Variants in SV2C observed in about 807,000 individuals in gnomAD.
The protein encoded by SV2C is solute carrier family 22 member B3.
Under a neutral mutation model 79.7 loss-of-function variants are expected in SV2C, and 49 were observed. The observed-to-expected ratio is 0.61, with a 90% CI of 0.49 to 0.78. The LOEUF (loss-of-function observed/expected upper bound fraction) is 0.78, where lower values mean the gene tolerates loss of function less well. Ranked by LOEUF, SV2C falls within the 30% of genes least tolerant of loss-of-function variation. The pLI is 0.00. For synonymous variants in SV2C, 334 were observed against 333.2 expected (o/e 1.00, Z -0.03); for missense variants, 833 against 912.9 (o/e 0.91, Z 1.13).
chr5:76,086,890 A>C (rs576750071), intron 1 of SV2C, among the ~76,000 whole-genome samples: 5 of 152,376 alleles, frequency 3.3e-5, no homozygotes, highest in African/African-American at 1.2e-4. Context: ...AATTAGGGAC[A>C]GCAGTAGTAT....
At chr5:76,034,324 G>A in the SV2C span, among the ~76,000 whole-genome samples, 1 of 152,162 alleles carries the variant, frequency 6.6e-6, no homozygotes, top group East Asian at 1.9e-4. Context: ...CCTGTCTTGT[G>A]CCAGTTTTCA....
At chr5:75,897,641 C>G in the SV2C span, among the ~76,000 whole-genome samples, 4 of 152,300 alleles carry the variant, frequency 2.6e-5, no homozygotes, top group African/African-American at 9.6e-5. Context: ...GACATTGAAT[C>G]TATAAATTAC....
chr5:76,203,626 C>G (rs1744521508), intron 3 of SV2C, among the ~76,000 whole-genome samples: 1 of 152,054 alleles, frequency 6.6e-6, no homozygotes, highest in South Asian at 2.1e-4. Flanking sequence ...GGGGGTTAGG[C>G]CACCAATCTG....
chr5:76,086,822 A>C (rs1747215036), intron 1 of SV2C, among the ~76,000 whole-genome samples: 1 of 152,268 alleles, frequency 6.6e-6, no homozygotes, highest in Non-Finnish European at 1.5e-5. Context: ...TCTTGCTAGA[A>C]ATATGTCTTA....
chr5:76,239,843 G>A (rs1267086474), intron 4 of SV2C, among the ~76,000 whole-genome samples: 1 of 152,216 alleles, frequency 6.6e-6, no homozygotes, highest in African/African-American at 2.4e-5. Context: ...ATTCATTAAT[G>A]TATGAATCCC....
chr5:75,998,699 C>T, the SV2C span, among the ~76,000 whole-genome samples: 1 of 151,506 alleles, frequency 6.6e-6, no homozygotes, highest in East Asian at 1.9e-4. Context: ...TGTATTATAC[C>T]ACTGGTTGGC....
At chr5:75,881,891 T>C in the SV2C span, among the ~76,000 whole-genome samples, 1 of 146,712 alleles carries the variant, frequency 6.8e-6, no homozygotes, top group Non-Finnish European at 1.5e-5. Context: ...TCAAAGGGAA[T>C]GCTTCCAGTT....
rs1747963208 is a variant in SV2C at position 76,300,760 on chromosome 5, A to G, written c.1668A>G (p.Glu556=). 2.5e-6 allele frequency: 4 copies of G among 1,614,148 alleles called. No homozygotes were observed. The part of the protein sequence containing the change: ...DFEPYKFIDS[E]FKNCSFFHNK... ...AGCCATATAAATTCATTGACAGTGA[A>G]TTTAAAAACTGCTCGTTTTTTCACA... Residue 556 remains glutamate (E), a synonymous_variant, in exon 11 of 13, where the codon GAA becomes GAG. Coordinates refer to ENST00000502798, the MANE Select transcript of SV2C (RefSeq NM_014979.4).
At chr5:75,963,418 A>G in the SV2C span, among the ~76,000 whole-genome samples, 4 of 152,106 alleles carry the variant, frequency 2.6e-5, no homozygotes, top group East Asian at 7.7e-4. Context: ...TTGTCCTTGT[A>G]TGTAAATCCG....
At chr5:76,181,923 T>C (rs1580335960) in intron 2 of SV2C, among the ~76,000 whole-genome samples, 1 of 152,260 alleles carries the variant, frequency 6.6e-6, no homozygotes, top group East Asian at 1.9e-4. Context: ...TCCAGCCCAA[T>C]TATATTTCTC....
intron 2 of SV2C, among the ~76,000 whole-genome samples, chr5:76,191,622 A>G (rs990266050): frequency 1.3e-5 from 2 of 152,244 alleles, no homozygotes; most frequent in African/African-American, 2.4e-5. Flanking sequence ...AGAGACAGAA[A>G]TGTAAATGTG....
chr5:76,315,263 G>A lies in SV2C; in HGVS notation c.2001-10101G>A, dbSNP rs1449336664. On this transcript the variant is annotated intron_variant, in intron 12 of 12. Coordinates refer to ENST00000502798, the MANE Select transcript of SV2C (RefSeq NM_014979.4). Reference sequence around the variant, plus strand: ...AGACAGATTTTTATCTTTCTTTGAAGATTAGAAAACAATTGCATTCAGTCT... The same window carrying A: ...AGACAGATTTTTATCTTTCTTTGAAAATTAGAAAACAATTGCATTCAGTCT... 1.3e-5 allele frequency among the ~76,000 whole-genome samples: 2 copies of A among 150,926 alleles called. 1 individual carries two copies. The highest frequency in any genetic ancestry group is 1.3e-4 in the Admixed American group (2 of 15,154).
At chr5:76,074,595 A>C in the SV2C span, among the ~76,000 whole-genome samples, 1 of 152,104 alleles carries the variant, frequency 6.6e-6, no homozygotes, top group Non-Finnish European at 1.5e-5. Flanking sequence ...TGCCTCTTTC[A>C]GAAAAAAGTA....
the SV2C span, among the ~76,000 whole-genome samples, chr5:76,049,533 T>C: frequency 1.3e-5 from 2 of 152,188 alleles, no homozygotes; most frequent in African/African-American, 4.8e-5. Context: ...GTTGGCAGGA[T>C]AATTGAAGAA....
chr5:76,044,928 C>G, the SV2C span, among the ~76,000 whole-genome samples: 1 of 152,168 alleles, frequency 6.6e-6, no homozygotes, highest in African/African-American at 2.4e-5. Context: ...AATTAGATCC[C>G]ATTTGTCAAT....
the SV2C span, among the ~76,000 whole-genome samples, chr5:75,953,642 C>A: frequency 1.3e-5 from 2 of 151,880 alleles, no homozygotes; most frequent in African/African-American, 2.4e-5. Context: ...CTAGAAGTGG[C>A]AGAGTGGACA....
At chr5:76,013,712 T>C in the SV2C span, among the ~76,000 whole-genome samples, 1 of 152,246 alleles carries the variant, frequency 6.6e-6, no homozygotes, top group East Asian at 1.9e-4. Context: ...TATTCAAGTA[T>C]GTAAATAATC....
chr5:76,032,456 T>C, the SV2C span, among the ~76,000 whole-genome samples: 1 of 152,144 alleles, frequency 6.6e-6, no homozygotes, highest in African/African-American at 2.4e-5. Context: ...GTCCATGTGT[T>C]CTCATTGTTC....
At chr5:76,281,357 G>T in intron 4 of SV2C, 6 of 312,484 alleles carry the variant, frequency 1.9e-5, no homozygotes, top group Admixed American at 9.0e-5. Flanking sequence ...TTTGTTTATT[G>T]TCTATATGCC....
Sources: allele counts gnomAD v4.1 joint callset (sites outside exome capture counted in the v4.1 genomes callset), GRCh38; gene constraint gnomAD v4.1.1; transcripts MANE v1.5; gene names NCBI Gene and HGNC (gene_info 2026-07-23, HGNC 2026-07-21).